The following MYO5B variants were observed in gnomAD, a reference collection of about 807,000 sequenced individuals.
The protein encoded by MYO5B is myosin VB, also known as unconventional myosin-Vb.
A neutral mutation model predicts 229.3 loss-of-function variants in MYO5B; 143 were observed. The ratio of observed to expected loss-of-function variants is 0.62; its 90% CI spans 0.54 to 0.72. The LOEUF (loss-of-function observed/expected upper bound fraction) is 0.72, where lower values mean the gene tolerates loss of function less well. Among genes scored for constraint, MYO5B ranks in the 30% least tolerant of loss-of-function variants. The pLI, the probability that MYO5B is intolerant of heterozygous loss-of-function variation, is 0.00. For missense variants in MYO5B, 2,321 were observed against 2,331.0 expected, an observed-to-expected ratio of 1.00 and a Z score of 0.09; for synonymous variants, 918 against 885.2, an observed-to-expected ratio of 1.04 and a Z score of -0.66.
intron 1 of MYO5B, among the ~76,000 whole-genome samples, chr18:50,173,687 C>T (rs1186950145): frequency 2.0e-5 from 3 of 152,124 alleles, no homozygotes; most frequent in Non-Finnish European, 4.4e-5. Context: ...ACAGATGATG[C>T]CTGGATCTGG....
chr18:49,865,839 C>G (rs2024389366), intron 27 of MYO5B, among the ~76,000 whole-genome samples: 1 of 152,160 alleles, frequency 6.6e-6, no homozygotes, highest in Non-Finnish European at 1.5e-5. Context: ...GGATTTCTAC[C>G]CAGGGCACAT....
At position 50,173,435 on chromosome 18, in the gene MYO5B, G is replaced by A. The variant is rs191268849; in HGVS notation, c.27+21332C>T. ...TCCAAAAGCCAAGGGAAGCATCTAC[G>A]TGATTTCCAAAAGAGGAGTGACAGA... On this transcript the variant is annotated intron_variant, in intron 1 of 39. Transcript: ENST00000285039. 2.3e-3 allele frequency among the ~76,000 whole-genome samples: 354 copies of A among 152,284 alleles called. 2 individuals carry two copies. The highest frequency in any genetic ancestry group is 8.2e-3 in the African/African-American group (340 of 41,542).
At chr18:49,966,745 C>G (rs946573123) in intron 10 of MYO5B, among the ~76,000 whole-genome samples, 1 of 152,184 alleles carries the variant, frequency 6.6e-6, no homozygotes, top group Admixed American at 6.5e-5. Context: ...CTGAAATTAG[C>G]TTGTAATTTT....
At chr18:49,965,455 TCACACACACA>T (rs57101973) in intron 10 of MYO5B, among the ~76,000 whole-genome samples, 29 of 147,098 alleles carry the variant, frequency 2.0e-4, no homozygotes, top group Non-Finnish European at 3.4e-4. Flanking sequence ...ACACTTCTTT[TCACACACACA>T]CACACACACA....
At chr18:49,867,453 G>A (rs11663282) in intron 27 of MYO5B, among the ~76,000 whole-genome samples, 2 of 152,038 alleles carry the variant, frequency 1.3e-5, no homozygotes. Flanking sequence ...AGGATGTGTG[G>A]GTGGGTGGGG....
chr18:50,065,305 A>G (rs1460584857), intron 1 of MYO5B, among the ~76,000 whole-genome samples: 1 of 152,184 alleles, frequency 6.6e-6, no homozygotes. Context: ...AGTGAAGAGG[A>G]GACATGATGT....
At chr18:49,958,010 G>GTGCTGCTT (rs1235998214) in intron 12 of MYO5B, among the ~76,000 whole-genome samples, 8 of 152,064 alleles carry the variant, frequency 5.3e-5, no homozygotes, top group African/African-American at 1.9e-4. Flanking sequence ...GCCACCCCCA[G>GTGCTGCTT]TGCTGCTTCC....
intron 1 of MYO5B, among the ~76,000 whole-genome samples, chr18:50,106,285 C>T (rs1026402672): frequency 3.9e-5 from 6 of 152,296 alleles, no homozygotes; most frequent in Non-Finnish European, 4.4e-5. Flanking sequence ...TTTGGTATGA[C>T]CCCACATCAA....
At chr18:50,062,254 G>A (rs2030705036) in intron 1 of MYO5B, among the ~76,000 whole-genome samples, 1 of 152,194 alleles carries the variant, frequency 6.6e-6, no homozygotes, top group African/African-American at 2.4e-5. Context: ...ACAGGCTGAT[G>A]TTTCAGTTGC....
intron 1 of MYO5B, among the ~76,000 whole-genome samples, chr18:50,174,385 C>G (rs1435031489): frequency 1.3e-5 from 2 of 152,120 alleles, no homozygotes; most frequent in Non-Finnish European, 2.9e-5. Flanking sequence ...TGAGAAGGTA[C>G]AGCACCAACA....
At chr18:49,859,957 C>A (rs906649028) in intron 29 of MYO5B, among the ~76,000 whole-genome samples, 1 of 152,168 alleles carries the variant, frequency 6.6e-6, no homozygotes, top group Non-Finnish European at 1.5e-5. Context: ...TCCGCTGTCC[C>A]GGACAGGCCC....
At chr18:49,999,778 T>A (rs1444849933) in intron 5 of MYO5B, among the ~76,000 whole-genome samples, 1 of 152,176 alleles carries the variant, frequency 6.6e-6, no homozygotes, top group African/African-American at 2.4e-5. Flanking sequence ...AATGCAAATT[T>A]GGGGGGCCCC....
intron 5 of MYO5B, 112 bp downstream of exon 5, chr18:50,001,143 A>T: frequency 7.4e-7 from 1 of 1,350,324 alleles, no homozygotes; most frequent in Non-Finnish European, 1.1e-6. Flanking sequence ...CAGTGGACAG[A>T]GGGCTCTCAG....
chr18:50,048,912 C>T (rs1418144961), intron 2 of MYO5B, among the ~76,000 whole-genome samples: 2 of 151,914 alleles, frequency 1.3e-5, no homozygotes, highest in African/African-American at 4.8e-5. Flanking sequence ...ATCCCAGCTA[C>T]TCAGGAGGCT....
At chr18:50,189,732 T>A (rs1408306429) in intron 1 of MYO5B, among the ~76,000 whole-genome samples, 1 of 152,082 alleles carries the variant, frequency 6.6e-6, no homozygotes, top group Non-Finnish European at 1.5e-5. Flanking sequence ...AAAGAAGGAA[T>A]CATCAGCCCC....
intron 36 of MYO5B, among the ~76,000 whole-genome samples, chr18:49,838,922 G>A (rs1322916394): frequency 1.3e-5 from 2 of 152,228 alleles, no homozygotes; most frequent in Non-Finnish European, 2.9e-5. Context: ...CAGAAAAAGA[G>A]ATAAAGGGAA....
intron 27 of MYO5B, among the ~76,000 whole-genome samples, chr18:49,865,443 C>CA (rs2024385170): frequency 2.6e-5 from 4 of 152,158 alleles, no homozygotes; most frequent in African/African-American, 9.7e-5. Context: ...ATTGATGAGT[C>CA]ACCAAGCCTA....
chr18:50,147,133 G>A (rs951846017), intron 1 of MYO5B, among the ~76,000 whole-genome samples: 1 of 152,144 alleles, frequency 6.6e-6, no homozygotes, highest in African/African-American at 2.4e-5. Context: ...CTCTAGAACA[G>A]TATGTCCAAA....
chr18:49,862,296 C>A (rs927568371), intron 29 of MYO5B, among the ~76,000 whole-genome samples: 15 of 152,178 alleles, frequency 9.9e-5, no homozygotes, highest in African/African-American at 3.6e-4. Context: ...CTATGCTCGG[C>A]CAGACAGCTC....
Sources: gnomAD v4.1 joint callset for allele counts (sites outside exome capture counted in the v4.1 genomes callset) on GRCh38, gnomAD v4.1.1 for gene constraint, MANE v1.5 for transcripts, NCBI Gene and HGNC (gene_info 2026-07-23, HGNC 2026-07-21) for gene names.